The following NEIL3 variants were observed in gnomAD, a reference collection of about 807,000 sequenced individuals.
NEIL3 encodes the protein nei like DNA glycosylase 3.
NEIL3 carries 48 observed loss-of-function variants against 57.5 expected under a neutral mutation model. The observed-to-expected ratio is 0.83, with a 90% CI of 0.66 to 1.06. NEIL3 has a LOEUF of 1.06. Ranked by LOEUF, NEIL3 falls within the 50% of genes least tolerant of loss-of-function variation. NEIL3 has a pLI of 0.00. For missense variants in NEIL3, 717 were observed against 739.1 expected, an observed-to-expected ratio of 0.97 and a Z score of 0.35; for synonymous variants, 261 against 253.2, an observed-to-expected ratio of 1.03 and a Z score of -0.29.
At chr4:177,321,275 T>C (rs868002800) in intron 1 of NEIL3, among the ~76,000 whole-genome samples, 2 of 152,282 alleles carry the variant, frequency 1.3e-5, no homozygotes, top group East Asian at 3.9e-4. Flanking sequence ...CTTAGGCCCA[T>C]TTGAGAAAAA....
chr4:177,363,740 A>G (rs966956594), downstream of NEIL3, among the ~76,000 whole-genome samples: 6 of 152,176 alleles, frequency 3.9e-5, no homozygotes, highest in African/African-American at 1.4e-4. Context: ...AGAAATGTAC[A>G]GGATCTATAT....
chr4:177,360,498 T>G lies in NEIL3; in HGVS notation c.1461-5T>G, dbSNP rs200218374. The G allele has an allele frequency of 3.2e-4, 515 of 1,612,340 alleles. 1 individual carries two copies. The highest frequency in any genetic ancestry group is 4.1e-4 in the Non-Finnish European group (487 of 1,178,796). On this transcript the variant is annotated splice_polypyrimidine_tract_variant and splice_region_variant and intron_variant, in intron 8 of 9. Coordinates refer to ENST00000264596, the MANE Select transcript of NEIL3 (RefSeq NM_018248.3). ...CTGTACTTATTTTGTAACCTGTCAT[T>G]ACAGTGAACTTCAAATTAATATGAC...
At chr4:177,335,960 A>G (rs558404311) in intron 3 of NEIL3, 138 bp downstream of exon 3, 1 of 1,047,358 alleles carries the variant, frequency 9.5e-7, no homozygotes, top group African/African-American at 1.6e-5. Context: ...CCTTCAGATA[A>G]TATAATTTGT....
the NEIL3 span, among the ~76,000 whole-genome samples, chr4:177,369,314 AAG>A: frequency 1.3e-5 from 2 of 152,160 alleles, no homozygotes; most frequent in African/African-American, 4.8e-5. Flanking sequence ...AAAGATCTCT[AAG>A]AGCAGCAGCA....
chr4:177,313,571 C>T (rs533930760), intron 1 of NEIL3, among the ~76,000 whole-genome samples: 1 of 152,264 alleles, frequency 6.6e-6, no homozygotes, highest in Admixed American at 6.5e-5. Context: ...GGTTAATGAG[C>T]TTTGAAGAGT....
rs779364575 is a variant in NEIL3, at chr4:177,351,483, G to T, written c.973G>T (p.Val325Leu). Reference protein sequence around the residue: ...RKSEEHWTCVVCTLINKPSSK... With the variant: ...RKSEEHWTCVLCTLINKPSSK... Reference sequence around the variant, plus strand: ...GTCGGAAGAGCACTGGACCTGTGTGGTGTGTACTTTAATCAATAAGCCCTC... The same window carrying T: ...GTCGGAAGAGCACTGGACCTGTGTGTTGTGTACTTTAATCAATAAGCCCTC... The change falls in exon 7 of 10, where the codon GTG (valine) becomes TTG (leucine). Residue 325 changes from valine (V) to leucine (L), a missense_variant. Coordinates refer to ENST00000264596, the MANE Select transcript of NEIL3 (RefSeq NM_018248.3). 1.2e-6 allele frequency: 2 copies of T among 1,614,016 alleles called. No homozygotes were observed. Among genetic ancestry groups the T allele is most frequent in the Middle Eastern group, 1.7e-4 (1 of 6,060 alleles).
chr4:177,342,119 T>C (rs1735107882), intron 6 of NEIL3, among the ~76,000 whole-genome samples: 4 of 152,232 alleles, frequency 2.6e-5, no homozygotes, highest in Non-Finnish European at 5.9e-5. Context: ...ATTCCAGAAC[T>C]GGAGAAATAA....
intron 4 of NEIL3, among the ~76,000 whole-genome samples, chr4:177,339,130 C>T (rs1411795422): frequency 8.5e-5 from 13 of 152,194 alleles, no homozygotes; most frequent in Non-Finnish European, 1.5e-5. Context: ...TAACCCCTCC[C>T]ATTGAAAATC....
In NEIL3 at chr4:177,353,362, A is replaced by G. The variant is rs775497058; in HGVS notation, c.1094A>G (p.Tyr365Cys). Residue 365 changes from tyrosine to cysteine, a missense_variant, in exon 8 of 10, where the codon TAC becomes TGC. Coordinates refer to ENST00000264596, the MANE Select transcript of NEIL3 (RefSeq NM_018248.3). ...NSTVFSHLMK[Y>C]PCNTFGKPHT... is the part of the protein sequence containing the mutation. The stretch of plus-strand genomic sequence containing the variant: ...ACTGTCTTTAGCCACTTAATGAAGT[A>G]CCCGTGTAATACTTTTGGAAAACCT... 3.1e-6 allele frequency: 5 copies of G among 1,613,748 alleles called. No homozygotes were observed. The highest frequency in any genetic ancestry group is 4.2e-6 in the Non-Finnish European group (5 of 1,179,892).
rs559510612 is a variant in NEIL3, at chr4:177,331,915, G to T, written c.279-3773G>T. On this transcript the variant is annotated intron_variant, in intron 2 of 9. Transcript: ENST00000264596. ...TATGCCTTGTGTGTGGTCTGGTTTG[G>T]CAGTGGATGGTTTCTCTGTGTTGCT... Among the ~76,000 whole-genome samples the T allele has an allele frequency of 2.6e-5, 4 of 152,250 alleles. No individual in the cohort carries two copies. In the South Asian group the frequency reaches 8.3e-4, roughly 32 times the overall value.
intron 8 of NEIL3, among the ~76,000 whole-genome samples, chr4:177,360,229 A>G (rs1016368752): frequency 2.0e-5 from 3 of 152,218 alleles, no homozygotes; most frequent in African/African-American, 7.2e-5. Context: ...GAAAAATAAA[A>G]TTTGATTTAC....
rs764689404 is a variant in NEIL3 at position 177,310,053 on chromosome 4, A to C, written c.100A>C (p.Ser34Arg). 1 of 1,607,796 alleles carries C rather than the reference A, an allele frequency of 6.2e-7. No individual in the cohort carries two copies. The highest frequency in any genetic ancestry group is 1.1e-5 in the South Asian group (1 of 90,428). Reference sequence around the variant, plus strand: ...CGGCGTGCGGGGAAGCGCTCTGCGGAGTCTGCAGGGCCGCGCCTTGCGGCT... The same window carrying C: ...CGGCGTGCGGGGAAGCGCTCTGCGGCGTCTGCAGGGCCGCGCCTTGCGGCT... ...VTGVRGSALR[S>R]LQGRALRLAA... The change falls in exon 1 of 10, where the codon AGT becomes CGT. Residue 34 changes from serine to arginine, a missense_variant. Coordinates refer to ENST00000264596, the MANE Select transcript of NEIL3 (RefSeq NM_018248.3).
rs549073399 is a variant in NEIL3, at chr4:177,320,406, C to A, written c.157-2053C>A. Among the ~76,000 whole-genome samples, 7 of 150,098 alleles carry A rather than the reference C, an allele frequency of 4.7e-5. No individual in the cohort carries two copies. The South Asian group carries it at 1.3e-3, about 27-fold the overall frequency. ...AGCTTTGAGGACATGGTGGCATATA[C>A]CTACAGTCTCCAACAGGTTCTTTTT... On this transcript the variant is annotated intron_variant, in intron 1 of 9. Transcript: ENST00000264596.
intron 1 of NEIL3, 44 bp from the exon 2 acceptor site, chr4:177,322,415 T>C (rs781128701): frequency 6.3e-7 from 1 of 1,587,118 alleles, no homozygotes; most frequent in African/African-American, 1.3e-5. Context: ...TGCTTAGAGT[T>C]TGTGTGTGTG....
rs758613841 is a variant in NEIL3, at chr4:177,362,801, G to A, written c.*330G>A. On this transcript the variant is annotated 3_prime_UTR_variant, in exon 10 of 10. Transcript: ENST00000264596. ...GGGAGAAGCAGTGTTTTTTTTTTAG[G>A]AAAGGATTATGCGACACAATAAAAT... The A allele has an allele frequency of 5.9e-6, 1 of 168,828 alleles. No individual in the cohort carries two copies. The highest frequency in any genetic ancestry group is 1.3e-5 in the Non-Finnish European group (1 of 79,474). 10.5% of individuals were successfully genotyped at this position (168,828 alleles called of 1,614,324 possible).
chr4:177,322,308 C>G (rs545596017), intron 1 of NEIL3, 151 bp from the exon 2 acceptor site: 2 of 1,054,308 alleles, frequency 1.9e-6, no homozygotes, highest in Admixed American at 4.5e-5. Flanking sequence ...TGTAAACAGC[C>G]GATTACATTA....
intron 1 of NEIL3, 124 bp from the exon 2 acceptor site, chr4:177,322,335 T>C: frequency 1.6e-6 from 2 of 1,253,896 alleles, no homozygotes; most frequent in East Asian, 4.7e-5. Flanking sequence ...TTGTTGGAGA[T>C]TATTCTTCTC....
At chr4:177,356,689 G>C (rs1336402341) in intron 8 of NEIL3, among the ~76,000 whole-genome samples, 2 of 151,998 alleles carry the variant, frequency 1.3e-5, no homozygotes, top group Non-Finnish European at 2.9e-5. Context: ...CTTAATTACT[G>C]TTCTCATTAC....
intron 1 of NEIL3, among the ~76,000 whole-genome samples, chr4:177,321,512 A>C (rs529857850): frequency 6.6e-6 from 1 of 152,300 alleles, no homozygotes; most frequent in Admixed American, 6.5e-5. Flanking sequence ...GTTTAAGAAA[A>C]AGGGCATTAC....
Sources: allele counts gnomAD v4.1 joint callset (sites outside exome capture counted in the v4.1 genomes callset), GRCh38; gene constraint gnomAD v4.1.1; transcripts MANE v1.5; gene names NCBI Gene and HGNC (gene_info 2026-07-23, HGNC 2026-07-21).